Variants in TMEM17 observed in about 807,000 individuals in gnomAD.
TMEM17 encodes transmembrane protein 17.
A neutral mutation model predicts 19.1 loss-of-function variants in TMEM17; 15 were observed. That is an observed-to-expected ratio of 0.78 (90% CI 0.52 to 1.21). The LOEUF (loss-of-function observed/expected upper bound fraction) is 1.21. Ranked by LOEUF, TMEM17 falls within the 50% of genes most tolerant of loss-of-function variation. The pLI, the probability that TMEM17 is intolerant of heterozygous loss-of-function variation, is 0.00. For synonymous variants in TMEM17, 103 were observed against 86.9 expected, an observed-to-expected ratio of 1.19 and a Z score of -1.03; for missense variants, 245 against 242.3, an observed-to-expected ratio of 1.01 and a Z score of -0.07.
chr2:62,506,100 C>G lies in TMEM17; in HGVS notation c.30G>C (p.Arg10=). The stretch of plus-strand genomic sequence containing the variant: ...ACACGGCCCGGCTGAAGTTTCCCAG[C>G]CGCTGGCGCACCGGATCCGGCAGCT... MELPDPVRQ[R]LGNFSRAVFS... The change falls in exon 1 of 4, where the codon CGG becomes CGC. Residue 10 remains arginine, a synonymous_variant. Coordinates refer to ENST00000335390, the MANE Select transcript of TMEM17 (RefSeq NM_198276.3). The G allele has an allele frequency of 1.2e-6, 2 of 1,610,870 alleles. No homozygotes were observed. The highest frequency in any genetic ancestry group is 1.7e-6 in the Non-Finnish European group (2 of 1,178,812).
the TMEM17 span, among the ~76,000 whole-genome samples, chr2:62,484,644 C>T: frequency 6.6e-6 from 1 of 152,134 alleles, no homozygotes; most frequent in Non-Finnish European, 1.5e-5. Context: ...CTTCTAAGAC[C>T]TGCTGACTTT....
downstream of TMEM17, among the ~76,000 whole-genome samples, chr2:62,495,524 A>C (rs1173965653): frequency 2.6e-5 from 4 of 152,220 alleles, no homozygotes; most frequent in African/African-American, 9.6e-5. Context: ...TTAAAACTAG[A>C]ATAAAGATAT....
downstream of TMEM17, among the ~76,000 whole-genome samples, chr2:62,498,024 G>C (rs1327004103): frequency 3.9e-5 from 6 of 152,310 alleles, no homozygotes; most frequent in East Asian, 1.2e-3. Context: ...ATGAACCTTT[G>C]ACTACTCCTT....
In TMEM17 at chr2:62,501,097, A is replaced by C. The variant is rs1279092238; in HGVS notation, c.*112T>G. 2.5e-6 allele frequency: 3 copies of C among 1,220,004 alleles called. No individual in the cohort carries two copies. Among genetic ancestry groups the C allele is most frequent in the Non-Finnish European group, 3.4e-6 (3 of 871,496 alleles). The allele number at this position is 1,220,004 out of a possible 1,614,324, so 75.6% of individuals were successfully genotyped here. ...CCCAACCTTGGAATTTCAGAGTGAG[A>C]GCATATACAATTCAAAACACTTGCT... On this transcript the variant is annotated 3_prime_UTR_variant, in exon 4 of 4. Coordinates refer to ENST00000335390, the MANE Select transcript of TMEM17 (RefSeq NM_198276.3).
chr2:62,461,161 CT>C, the TMEM17 span, among the ~76,000 whole-genome samples: 1 of 152,232 alleles, frequency 6.6e-6, no homozygotes. Context: ...ACTTGTCCAT[CT>C]TCTGGAATTT....
chr2:62,463,978 G>C, the TMEM17 span: 1 of 152,226 alleles, frequency 6.6e-6, no homozygotes, highest in African/African-American at 2.4e-5. Context: ...GACTTCAGAA[G>C]AAGATGACCT....
chr2:62,458,182 A>G, the TMEM17 span, among the ~76,000 whole-genome samples: 1 of 152,248 alleles, frequency 6.6e-6, no homozygotes, highest in Non-Finnish European at 1.5e-5. Context: ...TTAGAACTCA[A>G]GCCTTTTAAA....
At chr2:62,477,835 T>A in the TMEM17 span, among the ~76,000 whole-genome samples, 1 of 152,186 alleles carries the variant, frequency 6.6e-6, no homozygotes, top group African/African-American at 2.4e-5. Flanking sequence ...CTTCAGAGCA[T>A]CTCTACATTC....
the TMEM17 span, among the ~76,000 whole-genome samples, chr2:62,478,412 T>C: frequency 6.6e-6 from 1 of 152,228 alleles, no homozygotes; most frequent in Non-Finnish European, 1.5e-5. Flanking sequence ...CAGAGAACAC[T>C]GTCCTGAGCA....
At chr2:62,494,331 G>A in the TMEM17 span, among the ~76,000 whole-genome samples, 1 of 152,124 alleles carries the variant, frequency 6.6e-6, no homozygotes, top group Non-Finnish European at 1.5e-5. Context: ...ACCACTGGGA[G>A]CAATAGTTTT....
intron 1 of TMEM17, among the ~76,000 whole-genome samples, chr2:62,504,613 G>A (rs12463440): frequency 0.23 from 35,616 of 151,860 alleles, 4,318 homozygotes; most frequent in East Asian, 0.45. Context: ...CCTTAAAAGC[G>A]TAAGACATAA....
chr2:62,502,618 ATT>A, intron 2 of TMEM17, 68 bp from the exon 3 acceptor site: 4 of 1,481,208 alleles, frequency 2.7e-6, no homozygotes, highest in Non-Finnish European at 3.7e-6. Context: ...GATAGAAAAA[ATT>A]ATTAAGAACT....
At chr2:62,481,336 T>C in the TMEM17 span, among the ~76,000 whole-genome samples, 158 of 152,328 alleles carry the variant, frequency 1.0e-3, no homozygotes, top group African/African-American at 3.7e-3. Context: ...TGAGAGGTTT[T>C]TGGCAGAGTC....
chr2:62,497,635 C>T (rs552984378), downstream of TMEM17, among the ~76,000 whole-genome samples: 1 of 152,348 alleles, frequency 6.6e-6, no homozygotes, highest in South Asian at 2.1e-4. Flanking sequence ...CACCACACTG[C>T]TATCACTGAT....
chr2:62,486,231 CA>C, the TMEM17 span, among the ~76,000 whole-genome samples: 1 of 152,098 alleles, frequency 6.6e-6, no homozygotes, highest in Non-Finnish European at 1.5e-5. Flanking sequence ...GCAGGATTTT[CA>C]TTCTAATGAT....
At chr2:62,460,027 C>A in the TMEM17 span, among the ~76,000 whole-genome samples, 1 of 152,276 alleles carries the variant, frequency 6.6e-6, no homozygotes, top group South Asian at 2.1e-4. Context: ...TTCATAAAAC[C>A]AGAACATGAT....
Position 62,500,433 on chromosome 2 carries a change from CTT to C in TMEM17, c.*774_*775del, listed in dbSNP as rs751830328. The C allele has an allele frequency of 4.6e-5, 7 of 151,984 alleles. No individual in the cohort carries two copies. The highest frequency in any genetic ancestry group is 2.1e-4 in the South Asian group (1 of 4,812). 9.4% of individuals were successfully genotyped at this position (151,984 alleles called of 1,614,324 possible). ...CCTAGCAGACATGAAAATTTGGTCTCTTGTTTTATTTTTTATTTATTTATTTT... is the reference window on the plus strand; with the variant it reads ...CCTAGCAGACATGAAAATTTGGTCTCGTTTTATTTTTTATTTATTTATTTT... On this transcript the variant is annotated 3_prime_UTR_variant, in exon 4 of 4. Transcript: ENST00000335390.
chr2:62,466,244 G>C, the TMEM17 span, among the ~76,000 whole-genome samples: 10 of 152,258 alleles, frequency 6.6e-5, no homozygotes, highest in African/African-American at 1.7e-4. Flanking sequence ...TGGTAGTGGT[G>C]GGGGAGGGGT....
chr2:62,494,845 C>T, the TMEM17 span, among the ~76,000 whole-genome samples: 1 of 151,938 alleles, frequency 6.6e-6, no homozygotes, highest in East Asian at 1.9e-4. Flanking sequence ...CTACTAAACA[C>T]ACACACACAC....
Sources: allele counts gnomAD v4.1 joint callset (sites outside exome capture counted in the v4.1 genomes callset), GRCh38; gene constraint gnomAD v4.1.1; transcripts MANE v1.5; gene names NCBI Gene and HGNC (gene_info 2026-07-23, HGNC 2026-07-21).